The following JUP variants were observed in gnomAD, a reference collection of about 807,000 sequenced individuals.
JUP encodes junction plakoglobin.
JUP carries 28 observed loss-of-function variants against 71.1 expected under a neutral mutation model. That is an observed-to-expected ratio of 0.39 (90% CI 0.29 to 0.54). The LOEUF is 0.54. Ranked by LOEUF, JUP falls within the 20% of genes least tolerant of loss-of-function variation. JUP has a pLI of 0.62. For missense variants in JUP, 869 were observed against 1,030.1 expected (o/e 0.84, Z 2.14); for synonymous variants, 401 against 438.9 (o/e 0.91, Z 1.08).
chr17:41,785,504 AT>A (rs1555611551), intron 1 of JUP, among the ~76,000 whole-genome samples: 2 of 151,978 alleles, frequency 1.3e-5, no homozygotes, highest in African/African-American at 4.8e-5. Context: ...AACAGGATGA[AT>A]GTGGGGGCAG....
rs1481267089 is a variant in JUP at position 41,755,853 on chromosome 17, G to T, written c.2129C>A (p.Pro710His). Residue 710 changes from proline to histidine, a missense_variant, in exon 14 of 14, where the codon CCC becomes CAC. Coordinates refer to ENST00000393931, the MANE Select transcript of JUP (RefSeq NM_002230.4). ...CATGTGCATCTCCAGCGGGTCAAGG[G>T]GCACATCGCTGGAGTACATGGGGCG... is the stretch of plus-strand genomic sequence containing the variant. ...TYRPMYSSDVPLDPLEMHMDM... is the reference protein window; with the variant it reads ...TYRPMYSSDVHLDPLEMHMDM... 5 of 1,613,062 alleles carry T rather than the reference G, an allele frequency of 3.1e-6. No homozygotes were observed. Among genetic ancestry groups the T allele is most frequent in the Non-Finnish European group, 3.4e-6 (4 of 1,179,704 alleles).
At position 41,769,569 on chromosome 17, in the gene JUP, A is replaced by C. The variant is rs1916279824; in HGVS notation, c.317T>G (p.Val106Gly). 1 of 1,606,936 alleles carries C rather than the reference A, an allele frequency of 6.2e-7. No individual in the cohort carries two copies. Among genetic ancestry groups the C allele is most frequent in the Non-Finnish European group, 8.5e-7 (1 of 1,177,526 alleles). ...CTGCAGGTTGGTGGCCTGCCCCTCC[A>C]CCTGGGTGGCCAGCAGAAGCGAGCT... ...EDSSLLLATQ[V>G]EGQATNLQRL... is the part of the protein sequence containing the mutation. Residue 106 changes from valine (V) to glycine (G), a missense_variant, in exon 3 of 14, where the codon GTG becomes GGG. Physicochemically the swap from Val to Gly is moderately radical, Grantham distance 109 (BLOSUM62 -3). Coordinates refer to ENST00000393931, the MANE Select transcript of JUP (RefSeq NM_002230.4).
chr17:41,781,184 C>CAAA (rs781830763), intron 1 of JUP, among the ~76,000 whole-genome samples: 1 of 61,592 alleles, frequency 1.6e-5, no homozygotes, highest in African/African-American at 5.7e-5. Context: ...GACTCCGTCT[C>CAAA]AAAAAAAAAA....
rs1913591137 is a variant in JUP at position 41,755,755 on chromosome 17, T to C, written c.2227A>G (p.Met743Val). Reference protein sequence around the residue: ...LRPPYPTADHMLA With the variant: ...LRPPYPTADHVLA ...TGGGGCCAGGCCGCCTAGGCCAGCA[T>C]GTGGTCTGCAGTGGGGTACGGGGGC... Residue 743 changes from methionine to valine, a missense_variant, in exon 14 of 14, where the codon ATG becomes GTG. Transcript: ENST00000393931. 3.1e-6 allele frequency: 5 copies of C among 1,592,210 alleles called. No homozygotes were observed. Among genetic ancestry groups the C allele is most frequent in the Middle Eastern group, 1.7e-4 (1 of 5,958 alleles).
At chr17:41,775,445 A>G (rs540199543) in intron 1 of JUP, among the ~76,000 whole-genome samples, 3 of 152,208 alleles carry the variant, frequency 2.0e-5, no homozygotes, top group Non-Finnish European at 4.4e-5. Context: ...CTTCTCTCAC[A>G]AGAAACAAAA....
intron 8 of JUP, among the ~76,000 whole-genome samples, chr17:41,762,148 AG>A (rs1567808135): frequency 9.0e-6 from 1 of 111,540 alleles, no homozygotes; most frequent in Non-Finnish European, 2.0e-5. Flanking sequence ...AGAGAGAGAG[AG>A]AGAGAGAGAG....
chr17:41,755,241 G>C lies in JUP; in HGVS notation c.*503C>G, dbSNP rs1913501980. 2.5e-6 allele frequency: 1 copy of C among 398,732 alleles called. No individual in the cohort carries two copies. Among genetic ancestry groups the C allele is most frequent in the South Asian group, 1.3e-4 (1 of 7,820 alleles). 24.7% of individuals were successfully genotyped at this position (398,732 alleles called of 1,614,324 possible). Reference sequence around the variant, plus strand: ...TGGCCAGGGCCACAGGGGCGGGGAGGGGGTGTCAGGCCCTGGACCCATGCC... The same window carrying C: ...TGGCCAGGGCCACAGGGGCGGGGAGCGGGTGTCAGGCCCTGGACCCATGCC... On this transcript the variant is annotated 3_prime_UTR_variant, in exon 14 of 14. Transcript: ENST00000393931.
chr17:41,761,607 T>C (rs1173667945), intron 8 of JUP, among the ~76,000 whole-genome samples: 2 of 151,130 alleles, frequency 1.3e-5, no homozygotes, highest in African/African-American at 4.9e-5. Flanking sequence ...AAGTCAGGAG[T>C]TCAAGACCAG....
At chr17:41,783,030 G>A (rs1431597968) in intron 1 of JUP, among the ~76,000 whole-genome samples, 20 of 151,454 alleles carry the variant, frequency 1.3e-4, no homozygotes, top group African/African-American at 4.4e-4. Context: ...CCAGGAGGTA[G>A]ACGTTACAGT....
chr17:41,784,878 A>T (rs141658189), intron 1 of JUP: 1 of 151,734 alleles, frequency 6.6e-6, no homozygotes. Flanking sequence ...CTGTTCCCCA[A>T]CGAGGCTGGG....
rs1326867934 is a variant in JUP, at chr17:41,757,448, G to A, written c.2013C>T (p.Ser671=). 9.3e-6 allele frequency: 15 copies of A among 1,614,124 alleles called. 1 individual carries two copies. Among genetic ancestry groups the A allele is most frequent in the East Asian group, 6.7e-5 (3 of 44,904 alleles). ...AGGCAGCCGGGTCATGCTTGAAGAG[G>A]GAGTTGGTGAGCTCCACGGACACGC... The part of the protein sequence containing the change: ...RKRVSVELTN[S]LFKHDPAAWE... Residue 671 remains serine, a synonymous_variant, in exon 12 of 14, where the codon TCC becomes TCT. Coordinates refer to ENST00000393931, the MANE Select transcript of JUP (RefSeq NM_002230.4).
Position 41,755,866 on chromosome 17 carries a change from A to C in JUP, c.2116T>G (p.Ser706Ala), listed in dbSNP as rs1243329157. 3.1e-6 allele frequency: 5 copies of C among 1,612,196 alleles called. No homozygotes were observed. The highest frequency in any genetic ancestry group is 1.7e-5 in the Admixed American group (1 of 59,876). ...DMDATYRPMY[S>A]SDVPLDPLEM... ...AGCGGGTCAAGGGGCACATCGCTGG[A>C]GTACATGGGGCGGTAGGTGGCATCC... is the stretch of plus-strand genomic sequence containing the variant. The change falls in exon 14 of 14, where the codon TCC (serine) becomes GCC (alanine). Residue 706 changes from serine to alanine, a missense_variant. Ser to Ala is a moderately conservative substitution (Grantham distance 99). Transcript: ENST00000393931.
rs573573742 is a variant in JUP, at chr17:41,774,169, C to T, written c.-8-2307G>A. Among the ~76,000 whole-genome samples the T allele has an allele frequency of 5.9e-5, 9 of 151,310 alleles. 1 individual carries two copies. The East Asian group carries it at 7.9e-4, about 13-fold the overall frequency. On this transcript the variant is annotated intron_variant, in intron 1 of 13. Coordinates refer to ENST00000393931, the MANE Select transcript of JUP (RefSeq NM_002230.4). ...ACCACCCCCACCAGCCCAGGTCAAC[C>T]GCCAGGAGACTGCTGAGGGCTAGAC...
At chr17:41,765,186 T>A in intron 5 of JUP, 119 bp from the exon 6 acceptor site, 2 of 998,930 alleles carry the variant, frequency 2.0e-6, no homozygotes, top group Non-Finnish European at 3.0e-6. Context: ...AATAGTTCGT[T>A]TTTTTCTTTT....
chr17:41,765,277 C>T (rs1915531535), intron 5 of JUP, among the ~76,000 whole-genome samples: 1 of 152,112 alleles, frequency 6.6e-6, no homozygotes, highest in African/African-American at 2.4e-5. Flanking sequence ...CTCAAGTGAT[C>T]CTCACACCTC....
chr17:41,760,084 A>G (rs1914547590), intron 8 of JUP, among the ~76,000 whole-genome samples: 1 of 150,930 alleles, frequency 6.6e-6, no homozygotes, highest in Admixed American at 6.6e-5. Flanking sequence ...AATTGCTTGA[A>G]CCTGGGAGGC....
In JUP at chr17:41,757,754, G is replaced by A. The variant is rs199511559; in HGVS notation, c.1804C>T (p.Arg602Cys). 24 of 1,611,954 alleles carry A rather than the reference G, an allele frequency of 1.5e-5. No homozygotes were observed. Among genetic ancestry groups the A allele is most frequent in the South Asian group, 7.7e-5 (7 of 90,830 alleles). Residue 602 changes from arginine to cysteine, a missense_variant, in exon 11 of 14, where the codon CGC (arginine) becomes TGC (cysteine). Physicochemically the swap from Arg to Cys is radical, Grantham distance 180. Transcript: ENST00000393931. ...LLYSSVENIQ[R>C]VAAGVLCELA... ...TCACACAGCACCCCGGCAGCCACGCGCTGGATGTTCTCCACCGACGAGTAC... is the reference window on the plus strand; with the variant it reads ...TCACACAGCACCCCGGCAGCCACGCACTGGATGTTCTCCACCGACGAGTAC...
intron 1 of JUP, among the ~76,000 whole-genome samples, chr17:41,779,044 G>A (rs1258875191): frequency 2.6e-5 from 4 of 151,744 alleles, no homozygotes; most frequent in African/African-American, 9.7e-5. Context: ...AAACCAGCCT[G>A]GCCAACATGG....
intron 7 of JUP, among the ~76,000 whole-genome samples, chr17:41,763,657 CA>C (rs1450370228): frequency 2.0e-5 from 3 of 152,100 alleles, no homozygotes. Flanking sequence ...GAACCCTCCT[CA>C]GGCCAAAGTA....
Sources: allele counts gnomAD v4.1 joint callset (sites outside exome capture counted in the v4.1 genomes callset), GRCh38; gene constraint gnomAD v4.1.1; transcripts MANE v1.5; gene names NCBI Gene and HGNC (gene_info 2026-07-23, HGNC 2026-07-21).